INO80C: variants seen among roughly 807,000 people sequenced by gnomAD.
INO80C encodes IES6 homolog.
A neutral mutation model predicts 17.7 loss-of-function variants in INO80C; 17 were observed. The observed-to-expected ratio is 0.96, with a 90% confidence interval of 0.66 to 1.44. INO80C has a LOEUF of 1.44. INO80C is among the 40% of genes most tolerant of loss of function. INO80C has a pLI of 0.00. For missense variants in INO80C, 244 were observed against 245.0 expected (o/e 1.00, Z 0.03); for synonymous variants, 96 against 95.8 (o/e 1.00, Z -0.01).
chr18:35,486,469 T>C (rs1256328193), intron 1 of INO80C, among the ~76,000 whole-genome samples: 1 of 152,200 alleles, frequency 6.6e-6, no homozygotes, highest in African/African-American at 2.4e-5. Flanking sequence ...GAATATACTA[T>C]AAACCACTAA....
In INO80C at chr18:35,468,344, T is replaced by C. The variant is rs1031766932; in HGVS notation, c.*267A>G. The stretch of plus-strand genomic sequence containing the variant: ...TCAGGGACTTGGGATAAATGAAAAG[T>C]ATGGTTTTATTGTATCTTCTTGTCA... On this transcript the variant is annotated 3_prime_UTR_variant, in exon 5 of 5. Coordinates refer to ENST00000334598, the MANE Select transcript of INO80C (RefSeq NM_194281.4). The C allele has an allele frequency of 1.6e-6, 2 of 1,280,364 alleles. No individual in the cohort carries two copies. The highest frequency in any genetic ancestry group is 1.5e-5 in the African/African-American group (1 of 66,710). The allele number at this position is 1,280,364 out of a possible 1,614,324, so 79.3% of individuals were successfully genotyped here.
At chr18:35,474,511 G>C (rs1315851977) in intron 4 of INO80C, among the ~76,000 whole-genome samples, 1 of 151,220 alleles carries the variant, frequency 6.6e-6, no homozygotes, top group Non-Finnish European at 1.5e-5. Flanking sequence ...AACACAGTAA[G>C]ACCCCTTCTC....
In INO80C at chr18:35,478,473, C is replaced by T. The variant is rs569029997; in HGVS notation, c.380-124G>A. 1.5e-5 allele frequency: 11 copies of T among 750,264 alleles called. No individual in the cohort carries two copies. In the East Asian group the frequency reaches 2.4e-4, roughly 17 times the overall value. 46.5% of individuals were successfully genotyped at this position (750,264 alleles called of 1,614,324 possible). ...AATTTCCTTTGTGATTAAGTAGTCA[C>T]AGAAGTCTCTGGAGATTAACTAGAG... On this transcript the variant is annotated intron_variant, in intron 3 of 4. Coordinates refer to ENST00000334598, the MANE Select transcript of INO80C (RefSeq NM_194281.4).
intron 4 of INO80C, among the ~76,000 whole-genome samples, chr18:35,473,686 AAC>A (rs1300545517): frequency 1.3e-5 from 2 of 152,200 alleles, no homozygotes; most frequent in Non-Finnish European, 2.9e-5. Flanking sequence ...AGATCTCTAT[AAC>A]ACTCCTGGCA....
rs771298567 is a variant in INO80C, at chr18:35,497,731, G to A, written c.144C>T (p.Ser48=). ...GASKKKKASA[S]SFAQGISMEA... ...CGCGACTGCGTACCTGCGCAAAGCT[G>A]GAAGCGGACGCTTTTTTCTTCTTAC... The change falls in exon 1 of 5, where the codon TCC becomes TCT. Residue 48 remains serine (S), a synonymous_variant. Coordinates refer to ENST00000334598, the MANE Select transcript of INO80C (RefSeq NM_194281.4). 7.3e-5 allele frequency: 118 copies of A among 1,612,218 alleles called. 1 individual carries two copies. The highest frequency in any genetic ancestry group is 5.9e-5 in the Non-Finnish European group (69 of 1,179,422).
At chr18:35,493,116 T>G (rs2045948174) in intron 1 of INO80C, among the ~76,000 whole-genome samples, 1 of 152,238 alleles carries the variant, frequency 6.6e-6, no homozygotes, top group African/African-American at 2.4e-5. Context: ...AGTCTCTCTA[T>G]GCTCTTGGCG....
intron 4 of INO80C, among the ~76,000 whole-genome samples, chr18:35,477,957 A>AATC (rs1316118643): frequency 6.6e-6 from 1 of 152,254 alleles, no homozygotes; most frequent in Non-Finnish European, 1.5e-5. Flanking sequence ...TTGTAAATAC[A>AATC]ATCATCATCT....
In INO80C at chr18:35,468,594, A is replaced by C; in HGVS notation, c.*17T>G. 1 of 1,614,044 alleles carries C rather than the reference A, an allele frequency of 6.2e-7. No individual in the cohort carries two copies. Among genetic ancestry groups the C allele is most frequent in the Non-Finnish European group, 8.5e-7 (1 of 1,179,976 alleles). On this transcript the variant is annotated 3_prime_UTR_variant, in exon 5 of 5. Coordinates refer to ENST00000334598, the MANE Select transcript of INO80C (RefSeq NM_194281.4). Reference sequence around the variant, plus strand: ...TGTTTTTGAAACAGCTTTCCACTTCATCTCCCTTTCTGGGGCTCAGGGAAC... The same window carrying C: ...TGTTTTTGAAACAGCTTTCCACTTCCTCTCCCTTTCTGGGGCTCAGGGAAC...
intron 3 of INO80C, among the ~76,000 whole-genome samples, chr18:35,478,727 C>T (rs2045768014): frequency 6.6e-6 from 1 of 152,210 alleles, no homozygotes; most frequent in Non-Finnish European, 1.5e-5. Flanking sequence ...TGTCCACACC[C>T]AGACGAATGA....
intron 1 of INO80C, among the ~76,000 whole-genome samples, chr18:35,490,931 T>G (rs1291326720): frequency 6.6e-6 from 1 of 152,168 alleles, no homozygotes; most frequent in Non-Finnish European, 1.5e-5. Flanking sequence ...CAGCTAACTT[T>G]TGTATTTTTG....
chr18:35,474,244 T>TAC (rs1555636177), intron 4 of INO80C, among the ~76,000 whole-genome samples: 19 of 134,704 alleles, frequency 1.4e-4, no homozygotes, highest in Admixed American at 5.9e-4. Context: ...TATATATATA[T>TAC]ACTTAATAAC....
chr18:35,479,738 T>C (rs753136151), intron 2 of INO80C, among the ~76,000 whole-genome samples: 4 of 152,122 alleles, frequency 2.6e-5, no homozygotes, highest in Non-Finnish European at 5.9e-5. Context: ...CTTCATACTT[T>C]AAGATAAATT....
At chr18:35,478,198 T>A (rs1182459297) in intron 4 of INO80C, 84 bp downstream of exon 4, 4 of 1,041,912 alleles carry the variant, frequency 3.8e-6, no homozygotes, top group Non-Finnish European at 5.8e-6. Flanking sequence ...GGACCAGCCA[T>A]GATCAATATT....
chr18:35,471,153 G>T (rs756267903), intron 4 of INO80C, among the ~76,000 whole-genome samples: 3 of 152,194 alleles, frequency 2.0e-5, no homozygotes, highest in Non-Finnish European at 2.9e-5. Flanking sequence ...TTTTAATTAT[G>T]TAACTTTAAA....
At chr18:35,479,745 A>C (rs2045783050) in intron 2 of INO80C, among the ~76,000 whole-genome samples, 1 of 152,078 alleles carries the variant, frequency 6.6e-6, no homozygotes, top group Admixed American at 6.5e-5. Context: ...CTTTAAGATA[A>C]ATTTACTACA....
In INO80C at chr18:35,468,698, A is replaced by C; in HGVS notation, c.492T>G (p.Ile164Met). ...DPQSKLRFST[I>M]EEFSYIRRLP... ...GCCTCCGAATGTAGGAAAACTCTTC[A>C]ATGGTGCTGAACCGCAGTTTGCTCT... Residue 164 changes from isoleucine to methionine, a missense_variant, in exon 5 of 5, where the codon ATT becomes ATG. Transcript: ENST00000334598. 1.9e-6 allele frequency: 3 copies of C among 1,614,094 alleles called. No individual in the cohort carries two copies. The highest frequency in any genetic ancestry group is 2.5e-6 in the Non-Finnish European group (3 of 1,180,016).
intron 2 of INO80C, among the ~76,000 whole-genome samples, chr18:35,480,043 AGAAT>A (rs2045786675): frequency 1.3e-5 from 2 of 152,228 alleles, no homozygotes; most frequent in East Asian, 3.8e-4. Context: ...ACCAGTCTCA[AGAAT>A]GAAAGGAAGA....
In INO80C at chr18:35,497,825, A is replaced by G. The variant is rs1406014797; in HGVS notation, c.50T>C (p.Val17Ala). ...GGCCGGCCTCTTCTTGCTGTTCCGG[A>G]CTATTCCGGGAGTGGAAGTGGTGGC... ...IVATTSTPGI[V>A]RNSKKRPASP... is the part of the protein sequence containing the mutation. The change falls in exon 1 of 5, where the codon GTC becomes GCC. Residue 17 changes from valine to alanine, a missense_variant. Physicochemically the swap from Val to Ala is moderately conservative, Grantham distance 64 (BLOSUM62 0). Transcript: ENST00000334598. 1 of 1,609,836 alleles carries G rather than the reference A, an allele frequency of 6.2e-7. No homozygotes were observed. Among genetic ancestry groups the G allele is most frequent in the East Asian group, 2.3e-5 (1 of 44,126 alleles).
intron 1 of INO80C, among the ~76,000 whole-genome samples, chr18:35,494,197 T>C (rs944477002): frequency 2.6e-5 from 4 of 152,210 alleles, no homozygotes; most frequent in African/African-American, 9.7e-5. Context: ...GGTTAGACAT[T>C]ACTATATCTT....
Sources: gnomAD v4.1 joint callset for allele counts (sites outside exome capture counted in the v4.1 genomes callset) on GRCh38, gnomAD v4.1.1 for gene constraint, MANE v1.5 for transcripts, NCBI Gene and HGNC (gene_info 2026-07-23, HGNC 2026-07-21) for gene names.